The following DPF3 variants were observed in gnomAD, a reference collection of about 807,000 sequenced individuals.
The protein encoded by DPF3 is double PHD fingers 3.
In DPF3, 18 loss-of-function variants were observed where a neutral mutation model predicts 56.8. That is an observed-to-expected ratio of 0.32 (90% CI 0.22 to 0.47). The LOEUF (loss-of-function observed/expected upper bound fraction) is 0.47, where lower values mean the gene tolerates loss of function less well. Ranked by LOEUF, DPF3 falls within the 20% of genes least tolerant of loss-of-function variation. The pLI is 1.00. For missense variants in DPF3, 403 were observed against 488.8 expected (o/e 0.82, Z 1.65); for synonymous variants, 188 against 180.2 (o/e 1.04, Z -0.35).
chr14:72,724,283 A>T (rs1245320592), intron 4 of DPF3, among the ~76,000 whole-genome samples: 1 of 148,286 alleles, frequency 6.7e-6, no homozygotes, highest in Non-Finnish European at 1.5e-5. Context: ...CCGACTTGTC[A>T]TGGAGCTTAA....
At chr14:72,798,131 G>C (rs923414185) in intron 1 of DPF3, among the ~76,000 whole-genome samples, 2 of 151,846 alleles carry the variant, frequency 1.3e-5, no homozygotes, top group African/African-American at 4.8e-5. Context: ...GCAGGCGCCT[G>C]TAATCCCAGC....
intron 8 of DPF3, among the ~76,000 whole-genome samples, chr14:72,663,361 A>T (rs1416698579): frequency 1.3e-5 from 2 of 152,128 alleles, no homozygotes; most frequent in Non-Finnish European, 2.9e-5. Context: ...GCCTAAGCCC[A>T]AAAGGACACT....
intron 8 of DPF3, chr14:72,670,589 C>T (rs1240606003): frequency 8.1e-6 from 8 of 986,660 alleles, no homozygotes; most frequent in Non-Finnish European, 9.6e-6. Context: ...CCCCACCGGG[C>T]GGCTTGCCTC....
intron 8 of DPF3, chr14:72,670,583 A>AC: frequency 1.0e-6 from 1 of 986,800 alleles, no homozygotes; most frequent in Non-Finnish European, 1.2e-6. Flanking sequence ...AATTCTCCCC[A>AC]CCGGGCGGCT....
intron 9 of DPF3, among the ~76,000 whole-genome samples, chr14:72,625,115 C>A (rs895005274): frequency 2.0e-5 from 3 of 152,090 alleles, no homozygotes; most frequent in South Asian, 2.1e-4. Flanking sequence ...TATCCTACTT[C>A]TCATCATACT....
In DPF3 at chr14:72,866,872, G is replaced by A. The variant is rs182950898; in HGVS notation, c.32+27185C>T. Among the ~76,000 whole-genome samples the A allele has an allele frequency of 4.2e-3, 635 of 149,668 alleles. 33 individuals carry two copies. In the South Asian group the frequency reaches 0.058, roughly 14 times the overall value. ...ACTCCATCCGACTCGTGATCCACCC[G>A]ACTCGGCCTCCCAAAGTGCTGGGAT... On this transcript the variant is annotated intron_variant, in intron 1 of 10. Coordinates refer to ENST00000556509, the MANE Select transcript of DPF3 (RefSeq NM_001280542.3).
intron 6 of DPF3, among the ~76,000 whole-genome samples, chr14:72,695,214 T>A (rs1887852862): frequency 6.6e-6 from 1 of 152,210 alleles, no homozygotes; most frequent in African/African-American, 2.4e-5. Flanking sequence ...TAACAGTACT[T>A]ATCTTGCAGG....
chr14:72,798,599 T>C (rs919909480), intron 1 of DPF3, among the ~76,000 whole-genome samples: 1 of 152,216 alleles, frequency 6.6e-6, no homozygotes, highest in African/African-American at 2.4e-5. Flanking sequence ...AGAGTTCCCA[T>C]GGAGAACTCG....
intron 2 of DPF3, among the ~76,000 whole-genome samples, chr14:72,769,607 G>A (rs894575785): frequency 6.7e-6 from 1 of 150,300 alleles, no homozygotes; most frequent in African/African-American, 2.5e-5. Context: ...TTGAACCCGG[G>A]AGGCAGAGGT....
intron 6 of DPF3, among the ~76,000 whole-genome samples, chr14:72,714,154 C>T (rs548896686): frequency 6.6e-6 from 1 of 152,224 alleles, no homozygotes; most frequent in Non-Finnish European, 1.5e-5. Context: ...GAGAGCCACA[C>T]AGGAGGCATG....
chr14:72,845,546 G>C (rs547847167), intron 1 of DPF3, among the ~76,000 whole-genome samples: 2 of 152,162 alleles, frequency 1.3e-5, no homozygotes, highest in Admixed American at 6.5e-5. Flanking sequence ...AATGTGTGCT[G>C]CCTTCTCCCA....
chr14:72,670,501 A>C, intron 8 of DPF3: 1 of 985,336 alleles, frequency 1.0e-6, no homozygotes, highest in Non-Finnish European at 1.2e-6. Flanking sequence ...GAGGAGAATG[A>C]GGGAGGGGTC....
chr14:72,731,722 A>AT (rs1206391348), intron 4 of DPF3, 85 bp downstream of exon 4: 1 of 1,566,802 alleles, frequency 6.4e-7, no homozygotes. Flanking sequence ...TGAGGGGAGG[A>AT]TCTGGAGCCA....
chr14:72,664,649 AACC>A lies in DPF3; in HGVS notation c.871+9588_871+9590del, dbSNP rs1886371793. On this transcript the variant is annotated intron_variant, in intron 8 of 10. Coordinates refer to ENST00000556509, the MANE Select transcript of DPF3 (RefSeq NM_001280542.3). ...ACCTCCCACCTGCCCCCTCTGACTTAACCACTGGATGCTGTGTCCAGAGACTTC... is the reference window on the plus strand; with the variant it reads ...ACCTCCCACCTGCCCCCTCTGACTTAACTGGATGCTGTGTCCAGAGACTTC... 2.0e-5 allele frequency among the ~76,000 whole-genome samples: 3 copies of A among 150,138 alleles called. No individual in the cohort carries two copies. In the Admixed American group the frequency reaches 2.0e-4, roughly 10 times the overall value.
chr14:72,823,371 A>G (rs78590646), intron 1 of DPF3, among the ~76,000 whole-genome samples: 14,558 of 152,310 alleles, frequency 0.096, 840 homozygotes, highest in Admixed American at 0.18. Context: ...GGAACAAGGG[A>G]GAGAAGGAGA....
intron 1 of DPF3, among the ~76,000 whole-genome samples, chr14:72,772,593 G>C (rs1023951956): frequency 6.6e-6 from 1 of 152,030 alleles, no homozygotes; most frequent in Non-Finnish European, 1.5e-5. Flanking sequence ...CAAATAGAAA[G>C]ACCTTTCTGG....
At chr14:72,678,805 A>T (rs1235728019) in intron 7 of DPF3, among the ~76,000 whole-genome samples, 1 of 152,234 alleles carries the variant, frequency 6.6e-6, no homozygotes, top group African/African-American at 2.4e-5. Context: ...GGCTGAGATC[A>T]TATAAGAGAT....
intron 1 of DPF3, among the ~76,000 whole-genome samples, 191 bp downstream of exon 1, chr14:72,893,866 A>G (rs1253317229): frequency 6.6e-6 from 1 of 152,246 alleles, no homozygotes; most frequent in Non-Finnish European, 1.5e-5. Context: ...TGTTAATTGC[A>G]TCTCCTGACA....
chr14:72,823,413 C>G (rs542253643), intron 1 of DPF3, among the ~76,000 whole-genome samples: 1 of 152,326 alleles, frequency 6.6e-6, no homozygotes, highest in East Asian at 1.9e-4. Context: ...ACATGGCGGA[C>G]GCGTCCCATC....
Sources: gnomAD v4.1 joint callset for allele counts (sites outside exome capture counted in the v4.1 genomes callset) on GRCh38, gnomAD v4.1.1 for gene constraint, MANE v1.5 for transcripts, NCBI Gene and HGNC (gene_info 2026-07-23, HGNC 2026-07-21) for gene names.